Variants in DIP2C observed in about 807,000 individuals in gnomAD.
DIP2C encodes DIP2 acetate--CoA ligase C (putative).
A neutral mutation model predicts 192.4 loss-of-function variants in DIP2C; 33 were observed. The observed-to-expected ratio is 0.17, with a 90% CI of 0.13 to 0.23. DIP2C has a LOEUF of 0.23. DIP2C is among the 10% of genes least tolerant of loss of function. DIP2C has a pLI of 1.00. For missense variants in DIP2C, 1,537 were observed against 2,110.1 expected (o/e 0.73, Z 5.32); for synonymous variants, 979 against 864.1 (o/e 1.13, Z -2.33).
At chr10:447,840 C>T (rs1301160700) in intron 3 of DIP2C, among the ~76,000 whole-genome samples, 1 of 122,826 alleles carries the variant, frequency 8.1e-6, no homozygotes, top group Non-Finnish European at 1.5e-5. Flanking sequence ...CAGGATCACA[C>T]ACAGTGCGGC....
intron 1 of DIP2C, among the ~76,000 whole-genome samples, chr10:624,693 T>C (rs1203194717): frequency 6.6e-6 from 1 of 152,118 alleles, no homozygotes; most frequent in East Asian, 1.9e-4. Context: ...CTGACAAGTA[T>C]GCTGAATATG....
chr10:296,119 G>A (rs1278156157), intron 32 of DIP2C, among the ~76,000 whole-genome samples: 2 of 152,148 alleles, frequency 1.3e-5, no homozygotes, highest in Non-Finnish European at 2.9e-5. Context: ...AAGCTCTTTA[G>A]TTTAATTAGA....
intron 3 of DIP2C, among the ~76,000 whole-genome samples, chr10:462,280 C>T (rs1192570613): frequency 6.6e-6 from 1 of 152,118 alleles, no homozygotes; most frequent in Non-Finnish European, 1.5e-5. Flanking sequence ...AGATAGACCA[C>T]TAGCCAGACA....
At chr10:327,305 C>T (rs1172688870) in intron 30 of DIP2C, 129 bp from the exon 31 acceptor site, 11 of 996,414 alleles carry the variant, frequency 1.1e-5, no homozygotes, top group Non-Finnish European at 1.1e-5. Flanking sequence ...TCCAGGGCCA[C>T]CTGTGTCCAC....
At chr10:590,856 C>T (rs568933983) in intron 1 of DIP2C, among the ~76,000 whole-genome samples, 6 of 152,302 alleles carry the variant, frequency 3.9e-5, no homozygotes, top group East Asian at 3.9e-4. Context: ...GTGAAGGGGC[C>T]GCCTCCCTCC....
rs1290907922 is a variant in DIP2C, at chr10:327,074, G to A, written c.3856C>T (p.Leu1286=). ...CTGACGGCCCGCGGGTGAAGGCCCA[G>A]GTCCTTAAACAGCTTTGAGAACGAC... is the stretch of plus-strand genomic sequence containing the variant. ...TQSFSKLFKD[L]GLHPRAVSTS... The change falls in exon 31 of 37, where the codon CTG becomes TTG. Residue 1286 remains leucine (L), a synonymous_variant. Transcript: ENST00000280886. 1.2e-6 allele frequency: 2 copies of A among 1,614,206 alleles called. No homozygotes were observed. Among genetic ancestry groups the A allele is most frequent in the East Asian group, 2.2e-5 (1 of 44,880 alleles).
chr10:316,253 A>G (rs981054608), intron 31 of DIP2C, among the ~76,000 whole-genome samples: 1 of 152,194 alleles, frequency 6.6e-6, no homozygotes, highest in African/African-American at 2.4e-5. Context: ...AAAAACGAAG[A>G]TTGTATTTAA....
intron 1 of DIP2C, among the ~76,000 whole-genome samples, chr10:684,820 C>A (rs1054998699): frequency 6.6e-6 from 1 of 152,108 alleles, no homozygotes; most frequent in African/African-American, 2.4e-5. Context: ...GTACTTGACA[C>A]GTATTCATAT....
intron 1 of DIP2C, among the ~76,000 whole-genome samples, chr10:504,267 C>T (rs776621595): frequency 2.2e-4 from 34 of 152,234 alleles, no homozygotes; most frequent in Admixed American, 8.5e-4. Flanking sequence ...ATAAAGGCCA[C>T]GCTGGAAGAG....
At chr10:540,604 C>G (rs1847926984) in intron 1 of DIP2C, among the ~76,000 whole-genome samples, 1 of 152,222 alleles carries the variant, frequency 6.6e-6, no homozygotes, top group South Asian at 2.1e-4. Context: ...AAGTTTCAAG[C>G]TTGGGGAGAC....
intron 1 of DIP2C, among the ~76,000 whole-genome samples, chr10:518,991 C>T (rs1846531146): frequency 6.6e-6 from 1 of 152,246 alleles, no homozygotes; most frequent in African/African-American, 2.4e-5. Context: ...CACTGGGTCC[C>T]AGGCTCTGCA....
At position 390,605 on chromosome 10, in the gene DIP2C, G is replaced by A. The variant is rs545236363; in HGVS notation, c.1384+135C>T. On this transcript the variant is annotated intron_variant, in intron 11 of 36. Coordinates refer to ENST00000280886, the MANE Select transcript of DIP2C (RefSeq NM_014974.3). Reference sequence around the variant, plus strand: ...CGGCTGTGTCATCAGGGACGAGAACGCGTGAAAACTCGTGGGTCTGTGACT... The same window carrying A: ...CGGCTGTGTCATCAGGGACGAGAACACGTGAAAACTCGTGGGTCTGTGACT... 779 of 1,419,874 alleles carry A rather than the reference G, an allele frequency of 5.5e-4. 2 individuals carry two copies. Among genetic ancestry groups the A allele is most frequent in the Middle Eastern group, 3.0e-3 (12 of 4,060 alleles). The allele number at this position is 1,419,874 out of a possible 1,614,324, so 88.0% of individuals were successfully genotyped here.
chr10:440,940 C>T lies in DIP2C; in HGVS notation c.325G>A (p.Ala109Thr). The T allele has an allele frequency of 1.9e-6, 3 of 1,613,876 alleles. No individual in the cohort carries two copies. Among genetic ancestry groups the T allele is most frequent in the Non-Finnish European group, 2.5e-6 (3 of 1,180,046 alleles). ...ALAKHKERKM[A>T]VPMPSKRRSL... is the part of the protein sequence containing the mutation. ...CTGCGTTTGGAAGGCATAGGCACTG[C>T]CATCTTCCGCTCTTTGTGTTTGGCC... Residue 109 changes from alanine to threonine, a missense_variant, in exon 4 of 37, where the codon GCA (alanine) becomes ACA (threonine). This residue lies in a region of DIP2C where 473 missense variants were observed against 539.6 expected (regional missense o/e 0.88). Transcript: ENST00000280886.
chr10:370,381 T>TAC (rs1960815817), intron 17 of DIP2C, among the ~76,000 whole-genome samples: 1 of 152,200 alleles, frequency 6.6e-6, no homozygotes, highest in African/African-American at 2.4e-5. Context: ...TTCTCGCTGC[T>TAC]ACCCAGGACG....
chr10:376,554 T>C (rs1589648655), intron 17 of DIP2C, among the ~76,000 whole-genome samples: 1 of 93,776 alleles, frequency 1.1e-5, no homozygotes, highest in Non-Finnish European at 2.0e-5. Flanking sequence ...CCCGAGGAAG[T>C]GTCTTTTTTT....
intron 1 of DIP2C, among the ~76,000 whole-genome samples, chr10:594,145 C>T (rs1018280640): frequency 3.9e-5 from 6 of 152,208 alleles, no homozygotes; most frequent in African/African-American, 1.4e-4. Context: ...GTGAAGGTCC[C>T]GTTGCAGACT....
At chr10:579,991 C>G (rs138987882) in intron 1 of DIP2C, among the ~76,000 whole-genome samples, 1 of 151,842 alleles carries the variant, frequency 6.6e-6, no homozygotes, top group African/African-American at 2.4e-5. Flanking sequence ...TATACAGGTA[C>G]ACTATAACAT....
At chr10:304,663 C>A (rs1956220540) in intron 32 of DIP2C, among the ~76,000 whole-genome samples, 1 of 147,628 alleles carries the variant, frequency 6.8e-6, no homozygotes, top group Non-Finnish European at 1.5e-5. Context: ...TGTGCACATG[C>A]AACACACACA....
intron 6 of DIP2C, among the ~76,000 whole-genome samples, chr10:418,275 T>C (rs544428598): frequency 4.2e-5 from 6 of 141,898 alleles, no homozygotes; most frequent in East Asian, 2.1e-4. Context: ...AGGCCTCAGA[T>C]AGGCATCCCC....
Sources: allele counts gnomAD v4.1 joint callset (sites outside exome capture counted in the v4.1 genomes callset), GRCh38; gene constraint gnomAD v4.1.1; regional missense constraint gnomAD v4.1.1; transcripts MANE v1.5; gene names NCBI Gene and HGNC (gene_info 2026-07-23, HGNC 2026-07-21).